GRAMD1C: variants seen among roughly 807,000 people sequenced by gnomAD.
GRAMD1C encodes the protein protein Aster-C.
In GRAMD1C, 89 loss-of-function variants were observed where a neutral mutation model predicts 97.8. The ratio of observed to expected loss-of-function variants is 0.91; its 90% CI spans 0.77 to 1.09. The LOEUF (loss-of-function observed/expected upper bound fraction) is 1.09. Ranked by LOEUF, GRAMD1C falls within the 50% of genes least tolerant of loss-of-function variation. GRAMD1C has a pLI of 0.00. For missense variants in GRAMD1C, 740 were observed against 766.4 expected (o/e 0.97, Z 0.41); for synonymous variants, 256 against 267.0 (o/e 0.96, Z 0.40).
At chr3:113,890,680 C>G (rs1454783449) in intron 6 of GRAMD1C, 1 of 680,570 alleles carries the variant, frequency 1.5e-6, no homozygotes. Context: ...AGCAAGGCAC[C>G]AGCGACATCG....
intron 5 of GRAMD1C, among the ~76,000 whole-genome samples, chr3:113,877,288 G>C (rs529256404): frequency 1.3e-5 from 2 of 152,246 alleles, no homozygotes; most frequent in East Asian, 3.9e-4. Context: ...TTCCAACAAA[G>C]ACATTTTTCT....
chr3:113,939,329 T>C (rs976019974), intron 15 of GRAMD1C: 1 of 152,218 alleles, frequency 6.6e-6, no homozygotes, highest in Middle Eastern at 3.2e-3. Flanking sequence ...ACCATTAATG[T>C]ATATTTGGGA....
chr3:113,879,839 G>C (rs1935194189), intron 5 of GRAMD1C, among the ~76,000 whole-genome samples: 1 of 151,854 alleles, frequency 6.6e-6, no homozygotes, highest in Non-Finnish European at 1.5e-5. Flanking sequence ...GATTACAGGT[G>C]CCCGCCACCA....
chr3:113,933,334 CTT>C (rs561179874), intron 11 of GRAMD1C, among the ~76,000 whole-genome samples, 175 bp from the exon 12 acceptor site: 1 of 152,216 alleles, frequency 6.6e-6, no homozygotes, highest in Non-Finnish European at 1.5e-5. Context: ...ACCCGGCCCT[CTT>C]TTTCTCAATT....
At chr3:113,843,512 C>G (rs1404583553) in intron 1 of GRAMD1C, among the ~76,000 whole-genome samples, 1 of 152,090 alleles carries the variant, frequency 6.6e-6, no homozygotes, top group Non-Finnish European at 1.5e-5. Context: ...CAGAGTCTGG[C>G]TCTGTCACCC....
At chr3:113,936,467 A>G in intron 14 of GRAMD1C, 25 bp downstream of exon 14, 2 of 1,497,602 alleles carry the variant, frequency 1.3e-6, no homozygotes, top group Non-Finnish European at 9.2e-7. Context: ...GTAAACAGAG[A>G]TGAAAGATTT....
Position 113,904,836 on chromosome 3 carries a change from T to C in GRAMD1C, c.789+564T>C, listed in dbSNP as rs1936306075. 1.3e-5 allele frequency among the ~76,000 whole-genome samples: 2 copies of C among 152,190 alleles called. 1 individual carries two copies. Among genetic ancestry groups the C allele is most frequent in the Admixed American group, 1.3e-4 (2 of 15,276 alleles). ...TGTAAGCACATCAGTTTTTTGTTTTTAGTTTTTTGGGTTTTTTGAGATGAG... is the reference window on the plus strand; with the variant it reads ...TGTAAGCACATCAGTTTTTTGTTTTCAGTTTTTTGGGTTTTTTGAGATGAG... On this transcript the variant is annotated intron_variant, in intron 8 of 17. Coordinates refer to ENST00000358160, the MANE Select transcript of GRAMD1C (RefSeq NM_017577.5).
chr3:113,934,620 A>C lies in GRAMD1C; in HGVS notation c.1456+85A>C, dbSNP rs1937542286. On this transcript the variant is annotated intron_variant, in intron 13 of 17. Coordinates refer to ENST00000358160, the MANE Select transcript of GRAMD1C (RefSeq NM_017577.5). The stretch of plus-strand genomic sequence containing the variant: ...TTGATTCTTCATTTAGATTTGTAAC[A>C]GAAAACTGGTCAATGATGTTGGAAA... 4 of 675,944 alleles carry C rather than the reference A, an allele frequency of 5.9e-6. No homozygotes were observed. In the East Asian group the frequency reaches 1.1e-4, roughly 19 times the overall value. The allele number at this position is 675,944 out of a possible 1,614,324, so 41.9% of individuals were successfully genotyped here.
chr3:113,851,085 A>G (rs1305343110), intron 2 of GRAMD1C, among the ~76,000 whole-genome samples: 2 of 152,216 alleles, frequency 1.3e-5, no homozygotes, highest in Non-Finnish European at 2.9e-5. Flanking sequence ...TACACGCGTG[A>G]GCCACTGCAC....
At chr3:113,879,295 T>C (rs1935175291) in intron 5 of GRAMD1C, among the ~76,000 whole-genome samples, 1 of 152,136 alleles carries the variant, frequency 6.6e-6, no homozygotes, top group Non-Finnish European at 1.5e-5. Context: ...CTCTGCCAGA[T>C]TGCCCTCTAC....
chr3:113,895,650 A>G (rs1321484391), intron 6 of GRAMD1C, among the ~76,000 whole-genome samples: 5 of 152,208 alleles, frequency 3.3e-5, no homozygotes, highest in Non-Finnish European at 7.3e-5. Flanking sequence ...CACGTTTGCT[A>G]TGTAATAGCA....
chr3:113,895,175 G>C (rs1401570014), intron 6 of GRAMD1C, among the ~76,000 whole-genome samples: 1 of 152,094 alleles, frequency 6.6e-6, no homozygotes, highest in African/African-American at 2.4e-5. Context: ...GTCCCTTAAA[G>C]CTGTCTACTT....
intron 10 of GRAMD1C, among the ~76,000 whole-genome samples, chr3:113,916,538 T>C (rs1936820219): frequency 6.6e-6 from 1 of 152,182 alleles, no homozygotes; most frequent in South Asian, 2.1e-4. Context: ...TATATAAAGA[T>C]AAAAACCAGG....
intron 6 of GRAMD1C, chr3:113,885,774 C>T: frequency 6.3e-7 from 1 of 1,595,816 alleles, no homozygotes; most frequent in Non-Finnish European, 8.6e-7. Flanking sequence ...TTACAGACAG[C>T]ACTGCACTTT....
At chr3:113,901,606 A>G (rs1002059501) in intron 7 of GRAMD1C, among the ~76,000 whole-genome samples, 13 of 152,226 alleles carry the variant, frequency 8.5e-5, no homozygotes, top group African/African-American at 3.1e-4. Context: ...TGGAATGCAA[A>G]TAATTGTAAT....
chr3:113,850,472 C>T (rs1048280632), intron 2 of GRAMD1C: 37 of 1,484,384 alleles, frequency 2.5e-5, no homozygotes, highest in Admixed American at 6.7e-5. Flanking sequence ...AGCACAGTCT[C>T]CGGGGCAGAT....
At chr3:113,854,277 A>G (rs1052193009) in intron 2 of GRAMD1C, among the ~76,000 whole-genome samples, 3 of 152,190 alleles carry the variant, frequency 2.0e-5, no homozygotes, top group African/African-American at 7.2e-5. Context: ...TTGAGCAGGC[A>G]TGATACTTAA....
At chr3:113,943,235 C>T (rs1413230544) in intron 17 of GRAMD1C, among the ~76,000 whole-genome samples, 1 of 152,194 alleles carries the variant, frequency 6.6e-6, no homozygotes, top group East Asian at 1.9e-4. Flanking sequence ...CAGTCTTCAT[C>T]CTACAGTGTC....
chr3:113,902,560 T>C (rs1286923277), intron 7 of GRAMD1C, among the ~76,000 whole-genome samples: 1 of 152,236 alleles, frequency 6.6e-6, no homozygotes, highest in Non-Finnish European at 1.5e-5. Context: ...ATCTTTAAGG[T>C]CCTTGCCAAC....
Sources: allele counts gnomAD v4.1 joint callset (sites outside exome capture counted in the v4.1 genomes callset), GRCh38; gene constraint gnomAD v4.1.1; transcripts MANE v1.5; gene names NCBI Gene and HGNC (gene_info 2026-07-23, HGNC 2026-07-21).